The following IGF1 variants were observed in gnomAD, a reference collection of about 807,000 sequenced individuals.
IGF1 encodes insulin-like growth factor 1.
A neutral mutation model predicts 13.8 loss-of-function variants in IGF1; 4 were observed. The observed-to-expected ratio is 0.29, with a 90% CI of 0.14 to 0.66. The LOEUF (loss-of-function observed/expected upper bound fraction) is 0.66, where lower values mean the gene tolerates loss of function less well. Among genes scored for constraint, IGF1 ranks in the 30% least tolerant of loss-of-function variants. IGF1 has a pLI of 0.78. For synonymous variants in IGF1, 76 were observed against 72.6 expected (o/e 1.05, Z -0.23); for missense variants, 124 against 188.5 (o/e 0.66, Z 2.00).
Position 102,480,472 on chromosome 12 carries a change from A to G in IGF1, c.-91T>C. The G allele has an allele frequency of 3.1e-6, 5 of 1,598,208 alleles. No individual in the cohort carries two copies. Among genetic ancestry groups the G allele is most frequent in the South Asian group, 2.2e-5 (2 of 89,758 alleles). ...AGAGAGATGGGAGATGTTGAGAGCA[A>G]TGTCACATTTCAATTTTGAGGACTT... is the stretch of plus-strand genomic sequence containing the variant. On this transcript the variant is annotated 5_prime_UTR_variant, in exon 1 of 4. Coordinates refer to ENST00000337514, the MANE Select transcript of IGF1 (RefSeq NM_000618.5).
chr12:102,454,183 T>A (rs958430660), intron 2 of IGF1, among the ~76,000 whole-genome samples: 4 of 152,240 alleles, frequency 2.6e-5, no homozygotes, highest in South Asian at 4.1e-4. Context: ...TTTTTCCATC[T>A]ATCAAAATCC....
intron 3 of IGF1, among the ~76,000 whole-genome samples, chr12:102,407,139 A>G (rs11111264): frequency 7.1e-6 from 1 of 140,062 alleles, no homozygotes; most frequent in Admixed American, 7.0e-5. Flanking sequence ...AAAAAAGATC[A>G]CTGAGGACTA....
intron 2 of IGF1, among the ~76,000 whole-genome samples, chr12:102,445,957 TA>T (rs940359917): frequency 2.3e-4 from 35 of 152,342 alleles, no homozygotes; most frequent in African/African-American, 8.2e-4. Flanking sequence ...TGTTGAATTT[TA>T]TTGAAGGCCT....
chr12:102,455,113 C>T (rs1039188910), intron 2 of IGF1, among the ~76,000 whole-genome samples: 2 of 152,216 alleles, frequency 1.3e-5, no homozygotes, highest in African/African-American at 2.4e-5. Context: ...CTGACATTCT[C>T]GATTTGCAAG....
intron 3 of IGF1, 30 bp downstream of exon 3, chr12:102,419,479 G>A: frequency 6.2e-7 from 1 of 1,606,006 alleles, no homozygotes; most frequent in Non-Finnish European, 8.5e-7. Context: ...ACCACTTGAG[G>A]ATGGCTGGAT....
At chr12:102,439,249 C>T (rs1950159520) in intron 2 of IGF1, among the ~76,000 whole-genome samples, 1 of 152,072 alleles carries the variant, frequency 6.6e-6, no homozygotes, top group Non-Finnish European at 1.5e-5. Context: ...TCAAAGCATG[C>T]TTGTGAGTAT....
intron 3 of IGF1, chr12:102,415,593 T>TCCTTCCTTCCTA (rs1875067301): frequency 6.7e-6 from 1 of 148,592 alleles, no homozygotes; most frequent in Non-Finnish European, 1.5e-5. Context: ...CTTCCTTCCT[T>TCCTTCCTTCCTA]CCTTCCCTCC....
chr12:102,473,374 C>T (rs1251505042), intron 2 of IGF1, among the ~76,000 whole-genome samples: 4 of 152,184 alleles, frequency 2.6e-5, no homozygotes, highest in African/African-American at 9.7e-5. Context: ...AATGCTTACA[C>T]ATAACAGATG....
chr12:102,453,526 G>C (rs1879134321), intron 2 of IGF1, among the ~76,000 whole-genome samples: 1 of 152,210 alleles, frequency 6.6e-6, no homozygotes, highest in Non-Finnish European at 1.5e-5. Context: ...GAAGTTCACA[G>C]ATGAACACAT....
intron 2 of IGF1, among the ~76,000 whole-genome samples, chr12:102,447,545 C>T (rs1878465833): frequency 1.3e-5 from 2 of 152,122 alleles, no homozygotes; most frequent in South Asian, 2.1e-4. Context: ...ATTGCAACCT[C>T]TTCTTGTTTT....
chr12:102,478,866 T>A (rs1881238350), intron 1 of IGF1, among the ~76,000 whole-genome samples: 1 of 152,194 alleles, frequency 6.6e-6, no homozygotes, highest in Admixed American at 6.5e-5. Flanking sequence ...CAGAGTACAA[T>A]CAGCTGGTGA....
At chr12:102,427,369 T>C (rs932494044) in intron 2 of IGF1, among the ~76,000 whole-genome samples, 1 of 152,170 alleles carries the variant, frequency 6.6e-6, no homozygotes, top group African/African-American at 2.4e-5. Context: ...CATAAGGCAT[T>C]CGTGAGTCGA....
intron 1 of IGF1, among the ~76,000 whole-genome samples, chr12:102,478,872 G>A (rs1338221127): frequency 2.6e-5 from 4 of 152,120 alleles, no homozygotes; most frequent in African/African-American, 4.8e-5. Context: ...ACAATCAGCT[G>A]GTGAGCTCTG....
chr12:102,455,352 A>G (rs1341946017), intron 2 of IGF1, among the ~76,000 whole-genome samples: 1 of 152,228 alleles, frequency 6.6e-6, no homozygotes, highest in Non-Finnish European at 1.5e-5. Context: ...TGGAAGAGAG[A>G]GGTCACACAC....
At position 102,396,690 on chromosome 12, in the gene IGF1, A is replaced by G. The variant is rs937898023; in HGVS notation, c.*5817T>C. 5 of 391,252 alleles carry G rather than the reference A, an allele frequency of 1.3e-5. No homozygotes were observed. The highest frequency in any genetic ancestry group is 1.8e-5 in the Non-Finnish European group (4 of 221,950). 24.2% of individuals were successfully genotyped at this position (391,252 alleles called of 1,614,324 possible). Reference sequence around the variant, plus strand: ...AGGATTGTGGAAGGTCATGTTTTTGAAAGTGAAAGGTAATTCAGCTCCGGT... The same window carrying G: ...AGGATTGTGGAAGGTCATGTTTTTGGAAGTGAAAGGTAATTCAGCTCCGGT... On this transcript the variant is annotated 3_prime_UTR_variant, in exon 4 of 4. Transcript: ENST00000337514.
At chr12:102,426,645 G>T (rs1427449572) in intron 2 of IGF1, among the ~76,000 whole-genome samples, 4 of 152,146 alleles carry the variant, frequency 2.6e-5, no homozygotes, top group Non-Finnish European at 5.9e-5. Context: ...AAGGCGTATG[G>T]GCTTATCTTG....
chr12:102,473,971 C>T (rs959483404), intron 2 of IGF1, among the ~76,000 whole-genome samples: 36 of 152,060 alleles, frequency 2.4e-4, no homozygotes, highest in African/African-American at 7.0e-4. Flanking sequence ...CAACCTGGCA[C>T]GTAACAGAGG....
intron 2 of IGF1, among the ~76,000 whole-genome samples, chr12:102,455,902 T>C (rs1592809771): frequency 6.6e-6 from 1 of 151,902 alleles, no homozygotes; most frequent in African/African-American, 2.4e-5. Context: ...ATGTAAAGAG[T>C]TGGGATCCCA....
intron 2 of IGF1, among the ~76,000 whole-genome samples, chr12:102,447,943 G>T (rs1303575028): frequency 1.3e-5 from 2 of 152,136 alleles, no homozygotes; most frequent in African/African-American, 4.8e-5. Context: ...GAACTAAAGA[G>T]CTTCTGCACA....
Sources: allele counts gnomAD v4.1 joint callset (sites outside exome capture counted in the v4.1 genomes callset), GRCh38; gene constraint gnomAD v4.1.1; transcripts MANE v1.5; gene names NCBI Gene and HGNC (gene_info 2026-07-23, HGNC 2026-07-21).